AZGP1: variants seen among roughly 807,000 people sequenced by gnomAD.
AZGP1 encodes the protein zinc-alpha-2-glycoprotein.
AZGP1 carries 28 observed loss-of-function variants against 31.5 expected under a neutral mutation model. That is an observed-to-expected ratio of 0.89 (90% CI 0.66 to 1.22). AZGP1 has a LOEUF of 1.22. Ranked by LOEUF, AZGP1 falls within the 50% of genes most tolerant of loss-of-function variation. The pLI, the probability that AZGP1 is intolerant of heterozygous loss-of-function variation, is 0.00. For missense variants in AZGP1, 361 were observed against 371.8 expected (o/e 0.97, Z 0.24); for synonymous variants, 135 against 145.4 (o/e 0.93, Z 0.51).
At position 99,971,779 on chromosome 7, in the gene AZGP1, T is replaced by C. The variant is rs763658961; in HGVS notation, c.304A>G (p.Lys102Glu). Residue 102 changes from lysine to glutamate, a missense_variant, in exon 2 of 4, where the codon AAA becomes GAA. By Grantham distance (56) the Lys-to-Glu change is moderately conservative (BLOSUM62 1). Transcript: ENST00000292401. ...AREDIFMETL[K>E]DIVEYYNDSN... Reference sequence around the variant, plus strand: ...TCGTTGTAATACTCCACGATGTCTTTCAGGGTCTCCATAAAGATGTCCTCC... The same window carrying C: ...TCGTTGTAATACTCCACGATGTCTTCCAGGGTCTCCATAAAGATGTCCTCC... The C allele has an allele frequency of 1.9e-6, 3 of 1,614,074 alleles. No homozygotes were observed. Among genetic ancestry groups the C allele is most frequent in the Non-Finnish European group, 8.5e-7 (1 of 1,179,992 alleles).
At chr7:99,968,019 T>A (rs1357458923) in intron 3 of AZGP1, 136 bp downstream of exon 3, 2 of 1,188,746 alleles carry the variant, frequency 1.7e-6, no homozygotes, top group African/African-American at 3.1e-5. Flanking sequence ...AAGGAATAAA[T>A]CCTAAAAGAT....
intron 3 of AZGP1, 165 bp from the exon 4 acceptor site, chr7:99,967,451 C>T (rs1789503507): frequency 9.2e-6 from 7 of 758,946 alleles, no homozygotes; most frequent in South Asian, 1.9e-5. Context: ...GGAAGGCTGA[C>T]GCTTTCCCTC....
intron 1 of AZGP1, among the ~76,000 whole-genome samples, chr7:99,974,124 T>C (rs574491343): frequency 6.6e-6 from 1 of 151,998 alleles, no homozygotes; most frequent in South Asian, 2.1e-4. Flanking sequence ...AATACATAAG[T>C]TAGCCGTGTG....
intron 2 of AZGP1, 74 bp from the exon 3 acceptor site, chr7:99,968,504 C>A: frequency 6.4e-7 from 1 of 1,555,992 alleles, no homozygotes; most frequent in Admixed American, 2.1e-5. Flanking sequence ...CTTAGTCTTG[C>A]ACATTGGGCA....
intron 1 of AZGP1, 115 bp from the exon 2 acceptor site, chr7:99,972,121 T>C: frequency 8.1e-7 from 1 of 1,227,352 alleles, no homozygotes; most frequent in East Asian, 2.4e-5. Context: ...CTCTTTCTCC[T>C]GCCATCAACT....
Position 99,966,880 on chromosome 7 carries a change from C to T in AZGP1, c.*123G>A. 3 of 1,393,522 alleles carry T rather than the reference C, an allele frequency of 2.2e-6. No individual in the cohort carries two copies. Among genetic ancestry groups the T allele is most frequent in the Non-Finnish European group, 2.9e-6 (3 of 1,024,570 alleles). 86.3% of individuals were successfully genotyped at this position (1,393,522 alleles called of 1,614,324 possible). A position where few individuals can be genotyped will look rare whatever the true frequency, so the allele number is the denominator to read the frequency against. On this transcript the variant is annotated 3_prime_UTR_variant, in exon 4 of 4. Transcript: ENST00000292401. ...CTCCAAATCCACCTCCTGTCTGTCC[C>T]CCCACACTGCTCCTCAGGCCTTGTG...
At chr7:99,975,061 C>G (rs1038336997) in intron 1 of AZGP1, among the ~76,000 whole-genome samples, 1 of 152,086 alleles carries the variant, frequency 6.6e-6, no homozygotes, top group African/African-American at 2.4e-5. Context: ...AAATAAATCT[C>G]TACTCTCTCT....
At chr7:99,967,550 C>G (rs558260041) in intron 3 of AZGP1, 23 of 540,318 alleles carry the variant, frequency 4.3e-5, no homozygotes, top group South Asian at 2.6e-4. Context: ...TCCCACATCT[C>G]AGTGGGCTTT....
At position 99,970,967 on chromosome 7, in the gene AZGP1, C is replaced by CCAG. The variant is rs565891863; in HGVS notation, c.337+776_337+778dup. On this transcript the variant is annotated intron_variant, in intron 2 of 3. Transcript: ENST00000292401. Reference sequence around the variant, plus strand: ...GACCATCTCTGCACGGGCTCTGCCACCAGCTCCTCTGACCATAGCGCAGGT... The same window carrying CCAG: ...GACCATCTCTGCACGGGCTCTGCCACCAGCAGCTCCTCTGACCATAGCGCAGGT... Among the ~76,000 whole-genome samples, 94 of 152,328 alleles carry CCAG rather than the reference C, an allele frequency of 6.2e-4. 2 individuals are homozygous for CCAG. The East Asian group carries it at 0.017, about 28-fold the overall frequency.
chr7:99,971,480 T>G, intron 2 of AZGP1: 1 of 437,412 alleles, frequency 2.3e-6, no homozygotes, highest in South Asian at 2.9e-5. Context: ...AGGTGAGAGG[T>G]CATAGGTGCC....
chr7:99,968,989 A>AAAAAAAAAAAAAAC (rs1789538369), intron 2 of AZGP1, among the ~76,000 whole-genome samples: 1 of 149,514 alleles, frequency 6.7e-6, no homozygotes, highest in Admixed American at 6.7e-5. Flanking sequence ...AAAAAAAAAA[A>AAAAAAAAAAAAAAC]AGCACCAGGC....
intron 1 of AZGP1, among the ~76,000 whole-genome samples, chr7:99,975,132 GTGTA>G (rs1176813913): frequency 3.3e-5 from 5 of 151,842 alleles, no homozygotes. Flanking sequence ...TGTGTATACA[GTGTA>G]TGTATGTATG....
Position 99,967,161 on chromosome 7 carries a change from C to T in AZGP1, c.739G>A (p.Glu247Lys). 6.2e-7 allele frequency: 1 copy of T among 1,614,214 alleles called. No individual in the cohort carries two copies. Residue 247 changes from glutamate (E) to lysine (K), a missense_variant, in exon 4 of 4, where the codon GAG becomes AAG. Coordinates refer to ENST00000292401, the MANE Select transcript of AZGP1 (RefSeq NM_001185.4). ...AGAACATCTCCCCGTAACTCAGGCTCCTGCACCTCGCCGGCCCGAGTCCAG... is the reference window on the plus strand; with the variant it reads ...AGAACATCTCCCCGTAACTCAGGCTTCTGCACCTCGCCGGCCCGAGTCCAG... ...VHWTRAGEVQ[E>K]PELRGDVLHN...
In AZGP1 at chr7:99,968,277, G is replaced by C; in HGVS notation, c.491C>G (p.Thr164Ser). Residue 164 changes from threonine (T) to serine (S), a missense_variant, in exon 3 of 4, where the codon ACC becomes AGC. By Grantham distance (58) the Thr-to-Ser change is moderately conservative. Coordinates refer to ENST00000292401, the MANE Select transcript of AZGP1 (RefSeq NM_001185.4). Reference sequence around the variant, plus strand: ...TGGTTCTGCCTCCCACTTCTGCTTGGTTATCTGGGCTGCTGGGTCGAAGGG... The same window carrying C: ...TGGTTCTGCCTCCCACTTCTGCTTGCTTATCTGGGCTGCTGGGTCGAAGGG... ...WVPFDPAAQI[T>S]KQKWEAEPVY... 1 of 1,613,732 alleles carries C rather than the reference G, an allele frequency of 6.2e-7. No individual in the cohort carries two copies. Among genetic ancestry groups the C allele is most frequent in the Non-Finnish European group, 8.5e-7 (1 of 1,179,976 alleles).
In AZGP1 at chr7:99,968,730, A is replaced by G. The variant is rs941355314; in HGVS notation, c.338-300T>C. ...GTAATCCCAGCACTTTGAGAAGCTGAAGCGAGTGGATCGCTTGAGCCCAGG... is the reference window on the plus strand; with the variant it reads ...GTAATCCCAGCACTTTGAGAAGCTGGAGCGAGTGGATCGCTTGAGCCCAGG... On this transcript the variant is annotated intron_variant, in intron 2 of 3. Transcript: ENST00000292401. 11 of 383,776 alleles carry G rather than the reference A, an allele frequency of 2.9e-5. No individual in the cohort carries two copies. The South Asian group carries it at 3.5e-4, about 12-fold the overall frequency. 23.8% of individuals were successfully genotyped at this position (383,776 alleles called of 1,614,324 possible). A position where few individuals can be genotyped will look rare whatever the true frequency, so the allele number is the denominator to read the frequency against.
chr7:99,973,632 G>A (rs922709857), intron 1 of AZGP1, among the ~76,000 whole-genome samples: 3 of 152,080 alleles, frequency 2.0e-5, no homozygotes, highest in East Asian at 1.9e-4. Flanking sequence ...TAATTTAACT[G>A]GGGCCAGGTG....
chr7:99,971,678 G>A (rs1468749737), intron 2 of AZGP1, 68 bp downstream of exon 2: 7 of 1,533,210 alleles, frequency 4.6e-6, no homozygotes, highest in Non-Finnish European at 6.2e-6. Flanking sequence ...CTGATCCCTT[G>A]CCACTCACAC....
chr7:99,967,745 C>T (rs909119217), intron 3 of AZGP1: 10 of 449,734 alleles, frequency 2.2e-5, no homozygotes, highest in Admixed American at 1.2e-4. Flanking sequence ...ACATTTTACA[C>T]GCCTCCCTTC....
At chr7:99,968,482 A>G in intron 2 of AZGP1, 52 bp from the exon 3 acceptor site, 3 of 1,589,438 alleles carry the variant, frequency 1.9e-6, no homozygotes, top group Non-Finnish European at 2.6e-6. Flanking sequence ...TGAGAAATTT[A>G]TCAAAATAAC....
Sources: allele counts gnomAD v4.1 joint callset (sites outside exome capture counted in the v4.1 genomes callset), GRCh38; gene constraint gnomAD v4.1.1; transcripts MANE v1.5; gene names NCBI Gene and HGNC (gene_info 2026-07-23, HGNC 2026-07-21).